Variants in ALKBH5 observed in about 807,000 individuals in gnomAD.
ALKBH5 encodes the protein RNA demethylase ALKBH5.
In ALKBH5, 2 loss-of-function variants were observed where a neutral mutation model predicts 32.1. That is an observed-to-expected ratio of 0.06 (90% confidence interval 0.03 to 0.20). The LOEUF (loss-of-function observed/expected upper bound fraction) is 0.20, where lower values mean the gene tolerates loss of function less well. Among genes scored for constraint, ALKBH5 ranks in the 10% least tolerant of loss-of-function variants. ALKBH5 has a pLI of 1.00. For missense variants in ALKBH5, 352 were observed against 559.5 expected (o/e 0.63, Z 3.74); for synonymous variants, 300 against 231.7 (o/e 1.29, Z -2.68).
At chr17:18,192,854 C>CT (rs201150139) in intron 1 of ALKBH5, among the ~76,000 whole-genome samples, 6,240 of 114,800 alleles carry the variant, frequency 0.054, 250 homozygotes, top group Non-Finnish European at 0.063. Flanking sequence ...CTGTCTTTTT[C>CT]TTTTTTTTTT....
rs2047120551 is a variant in ALKBH5 at position 18,184,206 on chromosome 17, C to T, written c.-38C>T. The T allele has an allele frequency of 2.7e-6, 4 of 1,461,366 alleles. No individual in the cohort carries two copies. The highest frequency in any genetic ancestry group is 2.2e-4 in the Middle Eastern group (1 of 4,508). The allele number at this position is 1,461,366 out of a possible 1,614,324, so 90.5% of individuals were successfully genotyped here. On this transcript the variant is annotated 5_prime_UTR_variant, in exon 1 of 4. Transcript: ENST00000399138. ...CTTAGAGCCATGCCCGGCTGCCCCG[C>T]CCGCCCCGGAGGACCCTAGAGCAGC...
At chr17:18,192,854 CT>C (rs201150139) in intron 1 of ALKBH5, among the ~76,000 whole-genome samples, 5,394 of 115,010 alleles carry the variant, frequency 0.047, 96 homozygotes, top group African/African-American at 0.18. Context: ...CTGTCTTTTT[CT>C]TTTTTTTTTT....
Position 18,184,041 on chromosome 17 carries a change from C to T in ALKBH5, c.-203C>T, listed in dbSNP as rs776596542. 2.4e-5 allele frequency: 16 copies of T among 677,924 alleles called. No homozygotes were observed. The East Asian group carries it at 4.1e-4, about 17-fold the overall frequency. The allele number at this position is 677,924 out of a possible 1,614,324, so 42.0% of individuals were successfully genotyped here. A position where few individuals can be genotyped will look rare whatever the true frequency, so the allele number is the denominator to read the frequency against. On this transcript the variant is annotated 5_prime_UTR_variant, in exon 1 of 4. Transcript: ENST00000399138. ...GTGGAGGAGGAAGAAGCCCCGTTGTCGCCACCGTTGCATGACCCGCCGCTC... is the reference window on the plus strand; with the variant it reads ...GTGGAGGAGGAAGAAGCCCCGTTGTTGCCACCGTTGCATGACCCGCCGCTC...
At chr17:18,191,563 A>G (rs553980925) in intron 1 of ALKBH5, among the ~76,000 whole-genome samples, 1 of 152,244 alleles carries the variant, frequency 6.6e-6, no homozygotes, top group African/African-American at 2.4e-5. Flanking sequence ...CTTGTTGGAG[A>G]TGGGAAGTCA....
chr17:18,185,040 C>G, intron 1 of ALKBH5, 27 bp downstream of exon 1: 1 of 1,589,684 alleles, frequency 6.3e-7, no homozygotes, highest in Middle Eastern at 1.7e-4. Context: ...GAGGGGGCGG[C>G]CCTGCGCCTG....
rs1261033727 is a variant in ALKBH5 at position 18,184,891 on chromosome 17, G to C, written c.648G>C (p.Val216=). The change falls in exon 1 of 4, where the codon GTG becomes GTC. Residue 216 remains valine, a synonymous_variant. Coordinates refer to ENST00000399138, the MANE Select transcript of ALKBH5 (RefSeq NM_017758.4). Reference sequence around the variant, plus strand: ...TCCACATCTTCGAGCGCCCCATCGTGTCCGTGTCCTTCTTTAGCGACTCTG... The same window carrying C: ...TCCACATCTTCGAGCGCCCCATCGTCTCCGTGTCCTTCTTTAGCGACTCTG... ...DPIHIFERPI[V]SVSFFSDSAL... 1.9e-6 allele frequency: 3 copies of C among 1,614,242 alleles called. No individual in the cohort carries two copies. The highest frequency in any genetic ancestry group is 2.2e-5 in the East Asian group (1 of 44,886).
chr17:18,206,859 G>C lies in ALKBH5; in HGVS notation c.896G>C (p.Ser299Thr). ...CGGTTGGAAACAAAGTCCCTGAGCA[G>C]CTCCGTGTTACCACCCAGCTATGCT... ...APRLETKSLS[S>T]SVLPPSYASD... Residue 299 changes from serine to threonine, a missense_variant, in exon 3 of 4, where the codon AGC becomes ACC. Around this residue, in one of 4 missense-constraint regions of ALKBH5, gnomAD observed 124 missense variants for 142.4 expected, o/e 0.87. Transcript: ENST00000399138. 6.2e-7 allele frequency: 1 copy of C among 1,614,250 alleles called. No homozygotes were observed. The highest frequency in any genetic ancestry group is 1.3e-5 in the African/African-American group (1 of 75,068).
In ALKBH5 at chr17:18,209,288, G is replaced by GT. The variant is rs1248157925; in HGVS notation, c.*897dup. 6.5e-6 allele frequency: 1 copy of GT among 152,712 alleles called. No individual in the cohort carries two copies. The highest frequency in any genetic ancestry group is 6.5e-5 in the Admixed American group (1 of 15,270). The allele number at this position is 152,712 out of a possible 1,614,324, so 9.5% of individuals were successfully genotyped here. ...GAAAATTGTTGTGGTGTGTGGTAGGGTTTTTGTTTTCTTTTTTGAGTTTTT... is the reference window on the plus strand; with the variant it reads ...GAAAATTGTTGTGGTGTGTGGTAGGGTTTTTTGTTTTCTTTTTTGAGTTTTT... On this transcript the variant is annotated 3_prime_UTR_variant, in exon 4 of 4. Coordinates refer to ENST00000399138, the MANE Select transcript of ALKBH5 (RefSeq NM_017758.4).
In ALKBH5 at chr17:18,209,539, G is replaced by A. The variant is rs1211737670; in HGVS notation, c.*1143G>A. The A allele has an allele frequency of 2.0e-5, 3 of 152,270 alleles. No homozygotes were observed. The highest frequency in any genetic ancestry group is 4.4e-5 in the Non-Finnish European group (3 of 68,070). The allele number at this position is 152,270 out of a possible 1,614,324, so 9.4% of individuals were successfully genotyped here. On this transcript the variant is annotated 3_prime_UTR_variant, in exon 4 of 4. Coordinates refer to ENST00000399138, the MANE Select transcript of ALKBH5 (RefSeq NM_017758.4). Reference sequence around the variant, plus strand: ...TTTCAAAAAATAATAAGGAAAAAAAGGTAAAGTCTTTGGTAGCTTCTATCC... The same window carrying A: ...TTTCAAAAAATAATAAGGAAAAAAAAGTAAAGTCTTTGGTAGCTTCTATCC...
At chr17:18,206,227 C>T (rs1237863266) in intron 2 of ALKBH5, among the ~76,000 whole-genome samples, 2 of 152,194 alleles carry the variant, frequency 1.3e-5, no homozygotes, top group African/African-American at 2.4e-5. Context: ...AGCCCTCTGG[C>T]CTTTACCTTG....
intron 2 of ALKBH5, among the ~76,000 whole-genome samples, chr17:18,205,516 C>T (rs1450420947): frequency 6.6e-6 from 1 of 152,228 alleles, no homozygotes; most frequent in Non-Finnish European, 1.5e-5. Context: ...GATGCCCCTG[C>T]TGCCTTTAGG....
intron 1 of ALKBH5, among the ~76,000 whole-genome samples, chr17:18,185,842 A>G (rs1175207245): frequency 1.3e-5 from 2 of 152,192 alleles, no homozygotes; most frequent in Admixed American, 1.3e-4. Context: ...TGAAGTGAAA[A>G]TTTATTTGGA....
At position 18,208,513 on chromosome 17, in the gene ALKBH5, T is replaced by C. The variant is rs764144534; in HGVS notation, c.*117T>C. The C allele has an allele frequency of 1.6e-6, 2 of 1,218,402 alleles. No individual in the cohort carries two copies. The highest frequency in any genetic ancestry group is 2.3e-6 in the Non-Finnish European group (2 of 856,872). 75.5% of individuals were successfully genotyped at this position (1,218,402 alleles called of 1,614,324 possible). ...GTTTTTGTTTTTTGTTTTTTGTTTT[T>C]TTTGATTCTATATATTTTTCCTTGG... On this transcript the variant is annotated 3_prime_UTR_variant, in exon 4 of 4. Coordinates refer to ENST00000399138, the MANE Select transcript of ALKBH5 (RefSeq NM_017758.4).
At chr17:18,207,518 C>A (rs1413098593) in intron 3 of ALKBH5, among the ~76,000 whole-genome samples, 1 of 152,048 alleles carries the variant, frequency 6.6e-6, no homozygotes, top group African/African-American at 2.4e-5. Flanking sequence ...AAAAAATTAG[C>A]CAGGCGTGGT....
At chr17:18,192,962 G>A (rs556405931) in intron 1 of ALKBH5, among the ~76,000 whole-genome samples, 22 of 149,284 alleles carry the variant, frequency 1.5e-4, no homozygotes, top group Non-Finnish European at 2.5e-4. Context: ...CAGGTTCAGC[G>A]ATTCTCCTGC....
At chr17:18,193,688 T>C (rs1484489067) in intron 1 of ALKBH5, among the ~76,000 whole-genome samples, 1 of 152,206 alleles carries the variant, frequency 6.6e-6, no homozygotes, top group Non-Finnish European at 1.5e-5. Flanking sequence ...TGCATCCAGT[T>C]ATTAGAGCTG....
At chr17:18,190,550 GAAAAAAA>G (rs11316080) in intron 1 of ALKBH5, among the ~76,000 whole-genome samples, 47 of 121,896 alleles carry the variant, frequency 3.9e-4, no homozygotes, top group Middle Eastern at 4.1e-3. Flanking sequence ...CTCTGTTTCC[GAAAAAAA>G]AAAAAAAAAA....
intron 3 of ALKBH5, 30 bp downstream of exon 3, chr17:18,207,000 T>C (rs2047272865): frequency 6.2e-7 from 1 of 1,607,496 alleles, no homozygotes; most frequent in South Asian, 1.1e-5. Context: ...CAGCAAAGGC[T>C]GGCAAAGGCC....
intron 1 of ALKBH5, among the ~76,000 whole-genome samples, chr17:18,192,196 C>T (rs2047179933): frequency 6.6e-6 from 1 of 152,188 alleles, no homozygotes; most frequent in African/African-American, 2.4e-5. Context: ...CTCTGGCTTG[C>T]CCCAGGATAG....
Sources: allele counts gnomAD v4.1 joint callset (sites outside exome capture counted in the v4.1 genomes callset), GRCh38; gene constraint gnomAD v4.1.1; regional missense constraint gnomAD v4.1.1; transcripts MANE v1.5; gene names NCBI Gene and HGNC (gene_info 2026-07-23, HGNC 2026-07-21).